The following CFAP251 variants were observed in gnomAD, a reference collection of about 807,000 sequenced individuals.
CFAP251 encodes cilia and flagella associated protein 251.
In CFAP251, 93 loss-of-function variants were observed where a neutral mutation model predicts 126.7. That is an observed-to-expected ratio of 0.73 (90% CI 0.62 to 0.87). The LOEUF is 0.87. CFAP251 is among the 40% of genes least tolerant of loss of function. CFAP251 has a pLI of 0.00. For synonymous variants in CFAP251, 503 were observed against 506.9 expected (o/e 0.99, Z 0.10); for missense variants, 1,287 against 1,389.2 (o/e 0.93, Z 1.17).
chr12:121,983,926 A>G (rs1882686760), intron 19 of CFAP251, among the ~76,000 whole-genome samples: 1 of 152,176 alleles, frequency 6.6e-6, no homozygotes, highest in South Asian at 2.1e-4. Flanking sequence ...CAGGGCTTTG[A>G]AACTAACCCA....
intron 19 of CFAP251, among the ~76,000 whole-genome samples, chr12:121,994,185 C>T (rs1882968312): frequency 1.7e-4 from 14 of 83,380 alleles, no homozygotes; most frequent in Admixed American, 2.9e-4. Flanking sequence ...CGGCCAGCCG[C>T]CCCGTCCGGG....
At chr12:121,945,319 G>GTTGTT (rs1238972040) in intron 7 of CFAP251, among the ~76,000 whole-genome samples, 7 of 147,030 alleles carry the variant, frequency 4.8e-5, no homozygotes, top group East Asian at 1.9e-4. Flanking sequence ...TTTTGTTGTT[G>GTTGTT]TTGTTTTGTT....
chr12:121,964,016 C>G (rs1882038435), intron 15 of CFAP251, among the ~76,000 whole-genome samples: 1 of 152,088 alleles, frequency 6.6e-6, no homozygotes, highest in African/African-American at 2.4e-5. Flanking sequence ...ACCACCACTG[C>G]CACTGCCACC....
intron 19 of CFAP251, among the ~76,000 whole-genome samples, chr12:121,987,294 G>A (rs1882772935): frequency 7.5e-6 from 1 of 133,552 alleles, no homozygotes; most frequent in Admixed American, 6.9e-5. Context: ...CCGTGGCCAG[G>A]CCCCTGCCCA....
intron 19 of CFAP251, among the ~76,000 whole-genome samples, chr12:121,993,364 A>G: frequency 8.2e-6 from 1 of 122,112 alleles, no homozygotes; most frequent in South Asian, 3.1e-4. Flanking sequence ...AAGTGCCGAG[A>G]TTGCAGCCTC....
At chr12:121,925,436 CAT>C (rs1435310179) in intron 3 of CFAP251, among the ~76,000 whole-genome samples, 1 of 152,090 alleles carries the variant, frequency 6.6e-6, no homozygotes, top group East Asian at 1.9e-4. Context: ...GTTCCTAAGA[CAT>C]AGTGAGTACT....
chr12:121,980,636 C>T (rs1882598492), intron 19 of CFAP251, among the ~76,000 whole-genome samples: 2 of 152,196 alleles, frequency 1.3e-5, no homozygotes, highest in South Asian at 4.1e-4. Context: ...GCATGAGCCA[C>T]CGCTCCCTGA....
intron 11 of CFAP251, among the ~76,000 whole-genome samples, 164 bp downstream of exon 11, chr12:121,957,432 T>C (rs992418843): frequency 1.3e-5 from 2 of 151,986 alleles, no homozygotes; most frequent in African/African-American, 4.8e-5. Flanking sequence ...AGGCCGGGCG[T>C]GGTGGCTCAC....
chr12:121,992,913 A>G (rs959926289), intron 19 of CFAP251, among the ~76,000 whole-genome samples: 1 of 152,154 alleles, frequency 6.6e-6, no homozygotes, highest in Non-Finnish European at 1.5e-5. Flanking sequence ...TATTGTAATT[A>G]GCAAGTGCAT....
intron 5 of CFAP251, among the ~76,000 whole-genome samples, chr12:121,937,533 A>G (rs1162988367): frequency 6.6e-6 from 1 of 152,208 alleles, no homozygotes; most frequent in Non-Finnish European, 1.5e-5. Context: ...GCACCAGGCC[A>G]TGATAGAGGA....
Position 121,919,682 on chromosome 12 carries a change from C to T in CFAP251, c.-21+987C>T, listed in dbSNP as rs148485886. ...ATGCTAGGACAAGCTGACAGCAAGG[C>T]CCTTGCTTTTAACCACTAGGCTACC... On this transcript the variant is annotated intron_variant, in intron 1 of 21. Transcript: ENST00000288912. 3.5e-4 allele frequency among the ~76,000 whole-genome samples: 54 copies of T among 152,236 alleles called. No homozygotes were observed. In the East Asian group the frequency reaches 0.01, roughly 29 times the overall value.
At chr12:121,943,795 A>G (rs1881218629) in intron 7 of CFAP251, among the ~76,000 whole-genome samples, 1 of 152,212 alleles carries the variant, frequency 6.6e-6, no homozygotes, top group Non-Finnish European at 1.5e-5. Flanking sequence ...AATATTTTTG[A>G]AGCACTTATG....
intron 19 of CFAP251, among the ~76,000 whole-genome samples, chr12:121,995,829 G>A (rs891668583): frequency 6.6e-6 from 1 of 152,110 alleles, no homozygotes; most frequent in African/African-American, 2.4e-5. Flanking sequence ...GAAACTACTA[G>A]GTGATTACTT....
At chr12:121,950,506 T>A (rs1012491690) in intron 8 of CFAP251, 1 of 152,190 alleles carries the variant, frequency 6.6e-6, no homozygotes, top group African/African-American at 2.4e-5. Flanking sequence ...CCAAAACACA[T>A]TGAGTCACTG....
chr12:121,946,964 C>A (rs962477169), intron 7 of CFAP251, among the ~76,000 whole-genome samples: 2 of 152,172 alleles, frequency 1.3e-5, no homozygotes, highest in East Asian at 3.8e-4. Context: ...ATTTCTTGAA[C>A]CTGAGATGTT....
At chr12:121,956,054 C>T (rs1285247609) in intron 10 of CFAP251, 1 of 152,132 alleles carries the variant, frequency 6.6e-6, no homozygotes, top group Admixed American at 6.5e-5. Context: ...CTCATCTGCC[C>T]CCCGTGATTA....
intron 19 of CFAP251, among the ~76,000 whole-genome samples, chr12:121,996,284 C>A (rs1883020245): frequency 6.6e-6 from 1 of 152,190 alleles, no homozygotes; most frequent in South Asian, 2.1e-4. Context: ...TGCTCTTATT[C>A]TTTCTTTGTA....
rs111988684 is a variant in CFAP251, at chr12:121,927,874, A to G, written c.748-3872A>G. Among the ~76,000 whole-genome samples, 745 of 152,376 alleles carry G rather than the reference A, an allele frequency of 4.9e-3. 6 individuals carry two copies. Among genetic ancestry groups the G allele is most frequent in the Middle Eastern group, 0.01 (3 of 294 alleles). ...AGGAATCTTATGAATATCAAATACA[A>G]TGAAATCTGGTTTTGACAGCAAAGT... On this transcript the variant is annotated intron_variant, in intron 3 of 21. Coordinates refer to ENST00000288912, the MANE Select transcript of CFAP251 (RefSeq NM_144668.6).
At chr12:121,958,617 C>T (rs1038079734) in intron 12 of CFAP251, 95 bp downstream of exon 12, 103 of 1,556,942 alleles carry the variant, frequency 6.6e-5, no homozygotes, top group Non-Finnish European at 7.6e-5. Context: ...GAAGTCTCCC[C>T]GACTCCAGCC....
Sources: allele counts gnomAD v4.1 joint callset (sites outside exome capture counted in the v4.1 genomes callset), GRCh38; gene constraint gnomAD v4.1.1; transcripts MANE v1.5; gene names NCBI Gene and HGNC (gene_info 2026-07-23, HGNC 2026-07-21).